IFT80: variants seen among roughly 807,000 people sequenced by gnomAD.
The protein encoded by IFT80 is intraflagellar transport 80.
Under a neutral mutation model 107.9 loss-of-function variants are expected in IFT80, and 79 were observed. The ratio of observed to expected loss-of-function variants is 0.73; its 90% CI spans 0.61 to 0.88. The LOEUF is 0.88. Ranked by LOEUF, IFT80 falls within the 40% of genes least tolerant of loss-of-function variation. The pLI is 0.00. For missense variants in IFT80, 797 were observed against 914.2 expected (o/e 0.87, Z 1.65); for synonymous variants, 299 against 300.9 (o/e 0.99, Z 0.07).
chr3:160,265,041 C>T (rs932453844), intron 19 of IFT80, among the ~76,000 whole-genome samples: 7 of 152,114 alleles, frequency 4.6e-5, no homozygotes, highest in South Asian at 2.1e-4. Context: ...TATAGCACCA[C>T]GTACATCTCC....
At chr3:160,320,049 TTCTGGAA>T in intron 8 of IFT80, 110 bp from the exon 9 acceptor site, 1 of 738,354 alleles carries the variant, frequency 1.4e-6, no homozygotes, top group Admixed American at 2.6e-5. Context: ...AGAATGTCTA[TTCTGGAA>T]TTATTATTTT....
intron 6 of IFT80, among the ~76,000 whole-genome samples, chr3:160,362,024 A>T (rs549562901): frequency 6.6e-6 from 1 of 152,208 alleles, no homozygotes; most frequent in Non-Finnish European, 1.5e-5. Context: ...AATAACTAAG[A>T]TCAGAGCAGA....
rs886058134 is a variant in IFT80, at chr3:160,381,718, T to C, written c.44A>G (p.Glu15Gly). 2 of 1,609,590 alleles carry C rather than the reference T, an allele frequency of 1.2e-6. No individual in the cohort carries two copies. Among genetic ancestry groups the C allele is most frequent in the Non-Finnish European group, 1.7e-6 (2 of 1,177,750 alleles). ...AGTCCAGCCCACACAGCTTACTAAT[T>C]CTTGATGTGTCACCATGTTAAAGAG... ...ISLLKEPKHQ[E>G]LVSCVGWTTA... The change falls in exon 3 of 20, where the codon GAA (glutamate) becomes GGA (glycine). Residue 15 changes from glutamate (E) to glycine (G), a missense_variant. By Grantham distance (98) the Glu-to-Gly change is moderately conservative. Coordinates refer to ENST00000326448, the MANE Select transcript of IFT80 (RefSeq NM_020800.3).
Position 160,304,656 on chromosome 3 carries a change from A to T in IFT80, c.1077-667T>A, listed in dbSNP as rs545332907. On this transcript the variant is annotated intron_variant, in intron 10 of 19. Transcript: ENST00000326448. ...TTCACCGTGTTAGCCAGGATGGTCT[A>T]GATCTCCTGACCTCATGATCCACCC... Among the ~76,000 whole-genome samples the T allele has an allele frequency of 2.6e-5, 4 of 152,024 alleles. No individual in the cohort carries two copies. The South Asian group carries it at 6.2e-4, about 24-fold the overall frequency.
intron 8 of IFT80, among the ~76,000 whole-genome samples, chr3:160,350,111 A>G (rs1275324460): frequency 6.6e-6 from 1 of 152,068 alleles, no homozygotes; most frequent in African/African-American, 2.4e-5. Context: ...TCTGCTTGGG[A>G]TTCTTAAAAA....
At chr3:160,393,656 T>C (rs76277765) in intron 1 of IFT80, among the ~76,000 whole-genome samples, 2,363 of 152,262 alleles carry the variant, frequency 0.016, 64 homozygotes, top group African/African-American at 0.053. Flanking sequence ...ACTGTACACT[T>C]TAAAAAAAAG....
intron 6 of IFT80, among the ~76,000 whole-genome samples, chr3:160,362,787 T>C (rs775414941): frequency 6.6e-6 from 1 of 152,220 alleles, no homozygotes; most frequent in Non-Finnish European, 1.5e-5. Flanking sequence ...TCTCAATAGA[T>C]GCAGAAAAGG....
At chr3:160,275,610 G>T (rs1714202659) in intron 18 of IFT80, among the ~76,000 whole-genome samples, 1 of 151,866 alleles carries the variant, frequency 6.6e-6, no homozygotes, top group African/African-American at 2.4e-5. Context: ...TCCTAATTAG[G>T]TTACAAGCTT....
chr3:160,349,079 T>C (rs1364728680), intron 8 of IFT80, among the ~76,000 whole-genome samples: 1 of 151,652 alleles, frequency 6.6e-6, no homozygotes, highest in Non-Finnish European at 1.5e-5. Context: ...ATGGGTAAAA[T>C]GTGTCATATA....
intron 9 of IFT80, among the ~76,000 whole-genome samples, chr3:160,312,523 T>C (rs1043036708): frequency 1.5e-5 from 2 of 133,028 alleles, no homozygotes; most frequent in African/African-American, 5.7e-5. Flanking sequence ...TTTTGTTCTG[T>C]TTCTGGTCCA....
chr3:160,368,713 C>T (rs10513550), intron 5 of IFT80, among the ~76,000 whole-genome samples: 13,044 of 151,880 alleles, frequency 0.086, 796 homozygotes, highest in African/African-American at 0.16. Flanking sequence ...GTGACAGGGA[C>T]TTACTAGCTA....
intron 1 of IFT80, among the ~76,000 whole-genome samples, chr3:160,385,733 G>C (rs1712880909): frequency 6.6e-6 from 1 of 152,136 alleles, no homozygotes; most frequent in Non-Finnish European, 1.5e-5. Flanking sequence ...CACTTCTTAA[G>C]TTCACTTTTT....
At chr3:160,381,451 A>G in intron 3 of IFT80, 52 bp downstream of exon 3, 4 of 1,325,130 alleles carry the variant, frequency 3.0e-6, no homozygotes, top group Non-Finnish European at 4.4e-6. Context: ...AAATCATACT[A>G]TTAAGTCTTT....
intron 8 of IFT80, 25 bp from the exon 9 acceptor site, chr3:160,319,964 GA>G (rs772100635): frequency 1.2e-5 from 19 of 1,599,996 alleles, no homozygotes; most frequent in Non-Finnish European, 1.6e-5. Context: ...ACAAGAAAAA[GA>G]TGGACTTACT....
Position 160,301,071 on chromosome 3 carries a change from A to G in IFT80, c.1152-25T>C, listed in dbSNP as rs778303598. On this transcript the variant is annotated intron_variant, in intron 11 of 19. Coordinates refer to ENST00000326448, the MANE Select transcript of IFT80 (RefSeq NM_020800.3). Reference sequence around the variant, plus strand: ...TCTAAAAAATAAAGAATAGAAATAGATTCTCAAACAGGAGTATACTTTATT... The same window carrying G: ...TCTAAAAAATAAAGAATAGAAATAGGTTCTCAAACAGGAGTATACTTTATT... 19 of 1,539,746 alleles carry G rather than the reference A, an allele frequency of 1.2e-5. No individual in the cohort carries two copies. The African/African-American group carries it at 1.8e-4, about 15-fold the overall frequency.
At chr3:160,366,241 G>C in intron 5 of IFT80, 89 bp from the exon 6 acceptor site, 1 of 898,068 alleles carries the variant, frequency 1.1e-6, no homozygotes, top group Non-Finnish European at 1.8e-6. Flanking sequence ...GATCAAAAAA[G>C]CCATATGAGG....
At position 160,279,379 on chromosome 3, in the gene IFT80, A is replaced by G. The variant is rs749606176; in HGVS notation, c.1665-15T>C. 3 of 1,608,504 alleles carry G rather than the reference A, an allele frequency of 1.9e-6. No homozygotes were observed. The Admixed American group carries it at 5.0e-5, about 27-fold the overall frequency. On this transcript the variant is annotated splice_polypyrimidine_tract_variant and intron_variant, in intron 15 of 19. Coordinates refer to ENST00000326448, the MANE Select transcript of IFT80 (RefSeq NM_020800.3). ...TACTAAATTCACTGTTGAAAAAAAA[A>G]GCAAAGTACAATTTAAAGTTGTATT...
intron 9 of IFT80, among the ~76,000 whole-genome samples, chr3:160,309,816 A>G (rs1008978427): frequency 2.4e-4 from 36 of 152,306 alleles, no homozygotes; most frequent in Admixed American, 2.4e-3. Flanking sequence ...AACAGTATTC[A>G]GTAACATATT....
chr3:160,279,135 C>T (rs758028408), intron 16 of IFT80, 58 bp downstream of exon 16: 2 of 1,420,874 alleles, frequency 1.4e-6, no homozygotes, highest in African/African-American at 1.4e-5. Context: ...ACTCATTTTG[C>T]ACAAAGGTAA....
Sources: allele counts gnomAD v4.1 joint callset (sites outside exome capture counted in the v4.1 genomes callset), GRCh38; gene constraint gnomAD v4.1.1; transcripts MANE v1.5; gene names NCBI Gene and HGNC (gene_info 2026-07-23, HGNC 2026-07-21).